Variants in LRRC7 observed in about 807,000 individuals in gnomAD.
LRRC7 encodes the protein leucine rich repeat containing 7, also known as leucine-rich repeat-containing protein 7.
Under a neutral mutation model 175.7 loss-of-function variants are expected in LRRC7, and 23 were observed. The ratio of observed to expected loss-of-function variants is 0.13; its 90% CI spans 0.09 to 0.19. LRRC7 has a LOEUF of 0.19. Among genes scored for constraint, LRRC7 ranks in the 10% least tolerant of loss-of-function variants. The probability of loss-of-function intolerance (pLI) is 1.00; values close to 1 mark genes in which losing one functional copy is unlikely to be tolerated. For missense variants in LRRC7, 1,354 were observed against 1,904.7 expected, an observed-to-expected ratio of 0.71 and a Z score of 5.38; for synonymous variants, 685 against 680.9, an observed-to-expected ratio of 1.01 and a Z score of -0.09.
At chr1:69,986,411 A>G (rs752489970) in intron 10 of LRRC7, 25 bp downstream of exon 10, 3 of 1,592,426 alleles carry the variant, frequency 1.9e-6, no homozygotes, top group Non-Finnish European at 2.6e-6. Flanking sequence ...TTTTGTCACA[A>G]ATATTTATGT....
intron 8 of LRRC7, among the ~76,000 whole-genome samples, chr1:69,939,037 A>ATATATATATATATATATATATATC (rs1557911148): frequency 1.2e-5 from 1 of 80,936 alleles, no homozygotes; most frequent in African/African-American, 3.9e-5. Flanking sequence ...ATATCTATAT[A>ATATATATATATATATATATATATC]TATCTATATC....
intron 8 of LRRC7, among the ~76,000 whole-genome samples, chr1:69,969,759 C>T (rs983167860): frequency 1.6e-4 from 24 of 152,146 alleles, no homozygotes; most frequent in Admixed American, 1.4e-3. Context: ...TGGATTTAAA[C>T]TATACCCCAG....
intron 23 of LRRC7, among the ~76,000 whole-genome samples, chr1:70,071,540 TG>T: frequency 6.6e-6 from 1 of 152,254 alleles, no homozygotes; most frequent in Non-Finnish European, 1.5e-5. Flanking sequence ...GTAATAGGAC[TG>T]GGTTTTTGTT....
chr1:69,855,163 TGTA>T (rs1455590361), intron 7 of LRRC7, among the ~76,000 whole-genome samples: 1 of 152,110 alleles, frequency 6.6e-6, no homozygotes, highest in Non-Finnish European at 1.5e-5. Flanking sequence ...TTCTCACTAG[TGTA>T]GTAGTCCTTG....
intron 13 of LRRC7, 49 bp from the exon 14 acceptor site, chr1:70,016,416 A>G (rs569650345): frequency 1.6e-5 from 20 of 1,287,394 alleles, no homozygotes; most frequent in Non-Finnish European, 2.1e-5. Context: ...TTAGAAATGA[A>G]CTATTATCCA....
At chr1:69,787,802 C>G (rs1178724040) in intron 3 of LRRC7, among the ~76,000 whole-genome samples, 3 of 152,076 alleles carry the variant, frequency 2.0e-5, no homozygotes, top group Non-Finnish European at 4.4e-5. Context: ...AGACTTGCCC[C>G]CATGATTCAA....
At chr1:69,680,043 G>A (rs912465883) in intron 2 of LRRC7, among the ~76,000 whole-genome samples, 6 of 152,048 alleles carry the variant, frequency 3.9e-5, no homozygotes, top group East Asian at 1.9e-4. Context: ...TATTTACCTG[G>A]GTCTTCATAA....
chr1:69,677,550 C>T (rs1426959196), intron 1 of LRRC7, among the ~76,000 whole-genome samples: 1 of 151,892 alleles, frequency 6.6e-6, no homozygotes, highest in African/African-American at 2.4e-5. Context: ...TATAAGTGTT[C>T]CTTTTTCACA....
At chr1:70,077,375 C>T (rs1050211114) in intron 24 of LRRC7, among the ~76,000 whole-genome samples, 2 of 152,132 alleles carry the variant, frequency 1.3e-5, no homozygotes, top group Non-Finnish European at 2.9e-5. Flanking sequence ...ATAAACCAGA[C>T]AGGTGCCTTT....
At position 69,959,100 on chromosome 1, in the gene LRRC7, G is replaced by T. The variant is rs540216077; in HGVS notation, c.712-21279G>T. ...CAAGATGAGGAAAAGTAGCAAAGTT[G>T]CAAGCATTATTCAATCCCTATTTCA... On this transcript the variant is annotated intron_variant, in intron 8 of 26. Coordinates refer to ENST00000651989, the MANE Select transcript of LRRC7 (RefSeq NM_001370785.2). Among the ~76,000 whole-genome samples the T allele has an allele frequency of 9.2e-5, 14 of 152,144 alleles. No individual in the cohort carries two copies. The South Asian group carries it at 2.5e-3, about 27-fold the overall frequency.
At chr1:69,616,228 G>A (rs539757703) in intron 1 of LRRC7, among the ~76,000 whole-genome samples, 10 of 151,968 alleles carry the variant, frequency 6.6e-5, no homozygotes, top group Admixed American at 1.3e-4. Flanking sequence ...AATTTTAAAC[G>A]TCTGGGAAGT....
At chr1:70,067,099 G>T (rs550352483) in intron 23 of LRRC7, among the ~76,000 whole-genome samples, 1 of 151,726 alleles carries the variant, frequency 6.6e-6, no homozygotes, top group Non-Finnish European at 1.5e-5. Context: ...ATGTCTCTTC[G>T]CATCTTTTGC....
At chr1:69,764,334 C>G (rs2100956686) in intron 3 of LRRC7, among the ~76,000 whole-genome samples, 1 of 151,554 alleles carries the variant, frequency 6.6e-6, no homozygotes, top group Middle Eastern at 3.4e-3. Flanking sequence ...AAGAGAAAAA[C>G]TGCCAAAAAA....
Position 69,593,930 on chromosome 1 carries a change from G to A in LRRC7, c.2+25289G>A, listed in dbSNP as rs545785049. Among the ~76,000 whole-genome samples, 37 of 152,150 alleles carry A rather than the reference G, an allele frequency of 2.4e-4. No individual in the cohort carries two copies. The South Asian group carries it at 7.7e-3, about 32-fold the overall frequency. The stretch of plus-strand genomic sequence containing the variant: ...ACTCCCTTAACACAATCTATCCCTA[G>A]GCAGTATCTCCTGAGTCTTTGCCAC... On this transcript the variant is annotated intron_variant, in intron 1 of 26. Coordinates refer to ENST00000651989, the MANE Select transcript of LRRC7 (RefSeq NM_001370785.2).
intron 7 of LRRC7, among the ~76,000 whole-genome samples, chr1:69,895,525 G>C (rs1407265845): frequency 6.6e-6 from 1 of 152,030 alleles, no homozygotes; most frequent in Admixed American, 6.6e-5. Flanking sequence ...ATACATACCA[G>C]TGAAAGCATC....
In LRRC7 at chr1:70,005,160, A is replaced by G. The variant is rs1017391119; in HGVS notation, c.1005-6637A>G. ...TCTATATGTTAGATGTTATCAACCAATTTTATCGGTGAGAAAACAGGGGTT... is the reference window on the plus strand; with the variant it reads ...TCTATATGTTAGATGTTATCAACCAGTTTTATCGGTGAGAAAACAGGGGTT... On this transcript the variant is annotated intron_variant, in intron 11 of 26. Coordinates refer to ENST00000651989, the MANE Select transcript of LRRC7 (RefSeq NM_001370785.2). Among the ~76,000 whole-genome samples, 5 of 152,192 alleles carry G rather than the reference A, an allele frequency of 3.3e-5. No individual in the cohort carries two copies. The South Asian group carries it at 8.3e-4, about 25-fold the overall frequency.
At chr1:69,648,991 A>G (rs1236589194) in intron 1 of LRRC7, among the ~76,000 whole-genome samples, 1 of 152,260 alleles carries the variant, frequency 6.6e-6, no homozygotes, top group Non-Finnish European at 1.5e-5. Flanking sequence ...CTTTTGAGAA[A>G]GTAATCATGT....
intron 2 of LRRC7, among the ~76,000 whole-genome samples, chr1:69,707,202 A>G (rs1201955514): frequency 6.6e-6 from 1 of 152,170 alleles, no homozygotes. Flanking sequence ...CATGGCATGT[A>G]AGTGCAGACA....
At chr1:69,619,051 A>G (rs1327675017) in intron 1 of LRRC7, among the ~76,000 whole-genome samples, 3 of 152,104 alleles carry the variant, frequency 2.0e-5, no homozygotes, top group Non-Finnish European at 4.4e-5. Context: ...TTATTTCTGA[A>G]TCATGTCTCA....
Sources: allele counts gnomAD v4.1 joint callset (sites outside exome capture counted in the v4.1 genomes callset), GRCh38; gene constraint gnomAD v4.1.1; transcripts MANE v1.5; gene names NCBI Gene and HGNC (gene_info 2026-07-23, HGNC 2026-07-21).